The following FLNB variants were observed in gnomAD, a reference collection of about 807,000 sequenced individuals.
The protein encoded by FLNB is filamin-B.
In FLNB, 111 loss-of-function variants were observed where a neutral mutation model predicts 250.6. That is an observed-to-expected ratio of 0.44 (90% CI 0.38 to 0.52). The LOEUF is 0.52. FLNB is among the 20% of genes least tolerant of loss of function. The pLI is 0.00. For synonymous variants in FLNB, 1,302 were observed against 1,372.1 expected, an observed-to-expected ratio of 0.95 and a Z score of 1.13; for missense variants, 2,869 against 3,447.8, an observed-to-expected ratio of 0.83 and a Z score of 4.20.
In FLNB at chr3:58,142,679, T is replaced by G; in HGVS notation, c.5211T>G (p.Ser1737Arg). 6.2e-7 allele frequency: 1 copy of G among 1,614,164 alleles called. No homozygotes were observed. Among genetic ancestry groups the G allele is most frequent in the Non-Finnish European group, 8.5e-7 (1 of 1,180,004 alleles). ...CCGAAGAGGCCTATGTCCCAGTGAG[T>G]GACATGAACGGCCTGGGATTTAAGC... Reference protein sequence around the residue: ...WVTEEAYVPVSDMNGLGFKPF... With the variant: ...WVTEEAYVPVRDMNGLGFKPF... The change falls in exon 31 of 46, where the codon AGT becomes AGG. Residue 1737 changes from serine to arginine, a missense_variant. Physicochemically the swap from Ser to Arg is moderately radical, Grantham distance 110 (BLOSUM62 -1). Around this residue, in one of 5 missense-constraint regions of FLNB, gnomAD observed 1,084 missense variants for 1,315.5 expected, o/e 0.82. Transcript: ENST00000295956. The surrounding 1 kb of genome is among the most constrained non-coding windows in gnomAD (Gnocchi z 4.3).
rs549391706 is a variant in FLNB at position 58,017,362 on chromosome 3, T to C, written c.292+8506T>C. The stretch of plus-strand genomic sequence containing the variant: ...GCCTCCCGGGTTCAAGAGATTCTCC[T>C]GCCTCAGCCTCCCAAGTAGCTGGGA... On this transcript the variant is annotated intron_variant, in intron 1 of 45. Coordinates refer to ENST00000295956, the MANE Select transcript of FLNB (RefSeq NM_001457.4). Among the ~76,000 whole-genome samples the C allele has an allele frequency of 7.2e-5, 11 of 152,358 alleles. No individual in the cohort carries two copies. In the East Asian group the frequency reaches 2.1e-3, roughly 29 times the overall value.
Position 58,169,288 on chromosome 3 carries a change from G to A in FLNB, c.7418-302G>A. ...ATAGACTATTTTATGTCAATAGAAA[G>A]ATGTGAATTCCACAGGCACATCTTT... On this transcript the variant is annotated intron_variant, in intron 44 of 45. Coordinates refer to ENST00000295956, the MANE Select transcript of FLNB (RefSeq NM_001457.4). This position sits in a 1 kb window ranked among gnomAD's most constrained non-coding sequence, Gnocchi z 4.8. 4.5e-6 allele frequency: 2 copies of A among 442,304 alleles called. No individual in the cohort carries two copies. The highest frequency in any genetic ancestry group is 4.5e-5 in the East Asian group (1 of 22,364). The allele number at this position is 442,304 out of a possible 1,614,324, so 27.4% of individuals were successfully genotyped here.
chr3:58,091,666 CT>C (rs1336045563), intron 4 of FLNB, among the ~76,000 whole-genome samples: 2 of 151,922 alleles, frequency 1.3e-5, no homozygotes, highest in Middle Eastern at 3.4e-3. Flanking sequence ...AAATTAAAAA[CT>C]TTTTAATGTT....
rs1452233667 is a variant in FLNB, at chr3:58,141,909, C to T, written c.5161C>T (p.Pro1721Ser). ...GGAGGAGGCACCGGTAAATGCATGT[C>T]CCCCTGGATTCAGGCCCTGGGTACA... Reference protein sequence around the residue: ...AVEEAPVNACPPGFRPWVTEE... With the variant: ...AVEEAPVNACSPGFRPWVTEE... The change falls in exon 30 of 46, where the codon CCC (proline) becomes TCC (serine). Residue 1721 changes from proline (P) to serine (S), a missense_variant. This residue lies in a region of FLNB where 1,084 missense variants were observed against 1,315.5 expected (regional missense o/e 0.82). Transcript: ENST00000295956. The T allele has an allele frequency of 1.2e-6, 2 of 1,613,918 alleles. No homozygotes were observed. The highest frequency in any genetic ancestry group is 1.7e-6 in the Non-Finnish European group (2 of 1,179,922).
intron 1 of FLNB, among the ~76,000 whole-genome samples, chr3:58,074,038 C>A (rs1051987325): frequency 6.6e-6 from 1 of 152,174 alleles, no homozygotes; most frequent in Non-Finnish European, 1.5e-5. Context: ...GTCACCTCTG[C>A]CATTTTTCTG....
intron 1 of FLNB, among the ~76,000 whole-genome samples, chr3:58,052,791 G>A (rs576163658): frequency 3.3e-5 from 5 of 152,344 alleles, no homozygotes; most frequent in African/African-American, 1.2e-4. Context: ...CTCAGAGGAC[G>A]TTAGGGAGCA....
At chr3:58,071,250 A>G (rs1200988280) in intron 1 of FLNB, among the ~76,000 whole-genome samples, 1 of 141,504 alleles carries the variant, frequency 7.1e-6, no homozygotes, top group Non-Finnish European at 1.5e-5. Flanking sequence ...CGCCTGGCCT[A>G]CACACCCCTA....
Position 58,114,549 on chromosome 3 carries a change from C to T in FLNB, c.2745+2231C>T, listed in dbSNP as rs574761552. On this transcript the variant is annotated intron_variant, in intron 18 of 45. Transcript: ENST00000295956. ...TGCATTTAATTCTTGTGATTATAAA[C>T]CCGAAATGGAATTGCTGGATCATAT... 6.5e-3 allele frequency among the ~76,000 whole-genome samples: 706 copies of T among 109,210 alleles called. 4 individuals carry two copies. Among genetic ancestry groups the T allele is most frequent in the Middle Eastern group, 0.015 (4 of 272 alleles). 71.6% of individuals were successfully genotyped at this position (109,210 alleles called of 152,430 possible).
At position 58,058,864 on chromosome 3, in the gene FLNB, C is replaced by T. The variant is rs78429053; in HGVS notation, c.293-18182C>T. 2.5e-3 allele frequency among the ~76,000 whole-genome samples: 380 copies of T among 152,296 alleles called. 4 individuals are homozygous for T. The highest frequency in any genetic ancestry group is 8.9e-3 in the African/African-American group (368 of 41,552). On this transcript the variant is annotated intron_variant, in intron 1 of 45. Coordinates refer to ENST00000295956, the MANE Select transcript of FLNB (RefSeq NM_001457.4). ...CTGCCAGTTTTATAGAATGTAACCT[C>T]CCAGCCTCTGGGAATGTTTGGGAGA...
chr3:58,104,429 C>G (rs186736586), intron 10 of FLNB, among the ~76,000 whole-genome samples: 1 of 152,246 alleles, frequency 6.6e-6, no homozygotes, highest in African/African-American at 2.4e-5. Flanking sequence ...ATGAATGCCA[C>G]GGGGCAGAAT....
At chr3:58,021,485 CTGAG>C (rs1268216869) in intron 1 of FLNB, among the ~76,000 whole-genome samples, 2 of 152,142 alleles carry the variant, frequency 1.3e-5, no homozygotes, top group African/African-American at 4.8e-5. Flanking sequence ...AGAATGTGTT[CTGAG>C]TGAGGCGCCT....
chr3:58,035,431 G>A (rs2097136654), intron 1 of FLNB, among the ~76,000 whole-genome samples: 1 of 152,202 alleles, frequency 6.6e-6, no homozygotes, highest in Non-Finnish European at 1.5e-5. Context: ...GCCTCAGTCT[G>A]TAGACTTGAG....
intron 1 of FLNB, among the ~76,000 whole-genome samples, chr3:58,043,814 G>A (rs1342965162): frequency 2.0e-5 from 3 of 152,262 alleles, no homozygotes; most frequent in Non-Finnish European, 4.4e-5. Context: ...GTGCTTAGGA[G>A]GCTCCTGTCT....
chr3:58,060,153 G>A (rs1333619349), intron 1 of FLNB, among the ~76,000 whole-genome samples: 2 of 152,198 alleles, frequency 1.3e-5, no homozygotes, highest in East Asian at 1.9e-4. Flanking sequence ...CTCCTAGGGT[G>A]CAAGTGAACG....
chr3:58,103,644 G>A (rs1190526713), intron 9 of FLNB, among the ~76,000 whole-genome samples: 1 of 152,174 alleles, frequency 6.6e-6, no homozygotes, highest in Non-Finnish European at 1.5e-5. Context: ...ACTGAAATGT[G>A]ACTGGATTTA....
In FLNB at chr3:58,123,622, G is replaced by T; in HGVS notation, c.3656G>T (p.Arg1219Leu). 1 of 1,612,584 alleles carries T rather than the reference G, an allele frequency of 6.2e-7. No individual in the cohort carries two copies. The highest frequency in any genetic ancestry group is 1.1e-5 in the South Asian group (1 of 91,046). The change falls in exon 21 of 46, where the codon CGG (arginine) becomes CTG (leucine). Residue 1219 changes from arginine (R) to leucine (L), a missense_variant. This residue lies in a region of FLNB where 1,348 missense variants were observed against 1,466.7 expected (regional missense o/e 0.92). Coordinates refer to ENST00000295956, the MANE Select transcript of FLNB (RefSeq NM_001457.4). ...GGELVPHFPA[R>L]VKVEPAVDTS... ...GAACTCGTGCCACACTTCCCCGCCC[G>T]GGTCAAGGTGGAGCCCGCCGTGGAC...
At chr3:58,108,596 C>G (rs778251880) in intron 13 of FLNB, 25 bp downstream of exon 13, 1 of 1,450,320 alleles carries the variant, frequency 6.9e-7, no homozygotes, top group Non-Finnish European at 9.7e-7. Context: ...GCCACCTGTG[C>G]AGGTAATTGT....
In FLNB at chr3:58,163,266, T is replaced by C. The variant is rs2097364648; in HGVS notation, c.7134T>C (p.Pro2378=). Residue 2378 remains proline, a synonymous_variant, in exon 43 of 46, where the codon CCT becomes CCC. Coordinates refer to ENST00000295956, the MANE Select transcript of FLNB (RefSeq NM_001457.4). ...CCTTCAAAGTGCGCGTTGGGGAGCC[T>C]GGACAAGCGGGGAACCCTGCCCTGG... ...GSPFKVRVGE[P]GQAGNPALVS... is the part of the protein sequence containing the mutation. 1 of 1,614,198 alleles carries C rather than the reference T, an allele frequency of 6.2e-7. No individual in the cohort carries two copies. The highest frequency in any genetic ancestry group is 8.5e-7 in the Non-Finnish European group (1 of 1,180,038).
intron 43 of FLNB, among the ~76,000 whole-genome samples, chr3:58,167,439 G>A (rs1018446763): frequency 2.6e-5 from 4 of 152,226 alleles, no homozygotes; most frequent in African/African-American, 9.6e-5. Flanking sequence ...TCTGGACTAG[G>A]AGCTATAATT....
Sources: gnomAD v4.1 joint callset for allele counts (sites outside exome capture counted in the v4.1 genomes callset) on GRCh38, gnomAD v4.1.1 for gene constraint, gnomAD v4.1.1 regional missense constraint, Gnocchi (gnomAD v3.1) non-coding constraint, MANE v1.5 for transcripts, NCBI Gene and HGNC (gene_info 2026-07-23, HGNC 2026-07-21) for gene names.